Variants in PAK3 observed in about 807,000 individuals in gnomAD.
PAK3 encodes p21 (RAC1) activated kinase 3.
Under a neutral mutation model 41.0 loss-of-function variants are expected in PAK3, and 4 were observed. The observed-to-expected ratio is 0.10, with a 90% confidence interval of 0.05 to 0.22. The LOEUF (loss-of-function observed/expected upper bound fraction) is 0.22. PAK3 is among the 10% of genes least tolerant of loss of function. PAK3 has a pLI of 1.00. For missense variants in PAK3, 205 were observed against 409.9 expected, an observed-to-expected ratio of 0.50 and a Z score of 4.32; for synonymous variants, 146 against 139.6, an observed-to-expected ratio of 1.05 and a Z score of -0.32.
chrX:111,018,083 C>T (rs895091876), intron 1 of PAK3, among the ~76,000 whole-genome samples: 1 of 110,859 alleles, frequency 9.0e-6, no homozygotes, highest in Non-Finnish European at 1.9e-5. Flanking sequence ...TAGAAGAAAA[C>T]TACCTCAACA....
intron 1 of PAK3, among the ~76,000 whole-genome samples, chrX:110,995,468 C>T (rs1044038215): frequency 2.7e-5 from 3 of 110,655 alleles, no homozygotes; most frequent in Non-Finnish European, 5.7e-5. Flanking sequence ...ACTCTCAGGC[C>T]TTTGCTATCT....
At chrX:111,092,073 A>G (rs2148858507), upstream of PAK3, among the ~76,000 whole-genome samples, 1 of 111,634 alleles carries the variant, frequency 9.0e-6, no homozygotes, top group Admixed American at 9.5e-5. Flanking sequence ...CTGCCCAGGT[A>G]TGGCTCAGCT....
chrX:111,102,965 A>T (rs1017522953), intron 3 of PAK3, among the ~76,000 whole-genome samples, 194 bp from the exon 4 acceptor site: 1 of 111,196 alleles, frequency 9.0e-6, no homozygotes, highest in African/African-American at 3.3e-5. Context: ...CTTTCTTAAG[A>T]GATATTCTGA....
intron 1 of PAK3, among the ~76,000 whole-genome samples, chrX:110,954,138 A>G (rs969740258): frequency 9.0e-6 from 1 of 111,707 alleles, no homozygotes; most frequent in African/African-American, 3.3e-5. Context: ...AAAAGAAAGG[A>G]GTCAGCACTA....
chrX:111,163,411 C>T, intron 9 of PAK3, 151 bp from the exon 10 acceptor site: 1 of 505,256 alleles, frequency 2.0e-6, no homozygotes, highest in Non-Finnish European at 3.5e-6. Flanking sequence ...CATGATCTTT[C>T]AACAGTGTTG....
chrX:111,051,697 C>CTGTGTG (rs55981824), intron 1 of PAK3, among the ~76,000 whole-genome samples: 2,535 of 104,330 alleles, frequency 0.024, 73 homozygotes, highest in African/African-American at 0.082. Flanking sequence ...GTGTGTGTGT[C>CTGTGTG]TGTGTGTGTG....
chrX:111,173,112 A>G, intron 11 of PAK3, 31 bp downstream of exon 11: 1 of 705,366 alleles, frequency 1.4e-6, no homozygotes, highest in Non-Finnish European at 2.3e-6. Context: ...ATATAAAAAG[A>G]TGAGTACAAG....
At chrX:111,028,815 A>C (rs1197753552) in intron 1 of PAK3, among the ~76,000 whole-genome samples, 1 of 111,910 alleles carries the variant, frequency 8.9e-6, no homozygotes, top group Non-Finnish European at 1.9e-5. Flanking sequence ...TGTTGAGACC[A>C]GGAAGTTCAC....
intron 1 of PAK3, among the ~76,000 whole-genome samples, chrX:111,036,611 A>T (rs2148761787): frequency 8.9e-6 from 1 of 112,253 alleles, no homozygotes; most frequent in Admixed American, 9.4e-5. Context: ...TGCTCTTGAC[A>T]TGTGGAGATT....
At chrX:111,140,032 G>A (rs1247361959) in intron 5 of PAK3, among the ~76,000 whole-genome samples, 1 of 111,585 alleles carries the variant, frequency 9.0e-6, no homozygotes. Context: ...TTACTCACTT[G>A]CCTGGAACCC....
At position 111,047,213 on chromosome X, in the gene PAK3, G is replaced by A. The variant is rs755509883; in HGVS notation, c.-27-75864G>A. On this transcript the variant is annotated intron_variant, in intron 1 of 14. Coordinates refer to the PAK3 transcript ENST00000425146. The stretch of plus-strand genomic sequence containing the variant: ...ATTGAGAGACAAAGAGGACTAATGC[G>A]TGAGGATGTGTGAGATAAAAAGAAG... Among the ~76,000 whole-genome samples the A allele has an allele frequency of 1.1e-4, 12 of 111,920 alleles. No individual in the cohort carries two copies. The East Asian group carries it at 1.4e-3, about 13-fold the overall frequency.
chrX:111,014,167 A>G (rs767532561), intron 1 of PAK3, among the ~76,000 whole-genome samples: 2 of 112,091 alleles, frequency 1.8e-5, no homozygotes, highest in South Asian at 3.7e-4. Context: ...AGTCTACACT[A>G]TATGCTACTG....
chrX:111,070,664 C>A (rs1318852088), intron 1 of PAK3, among the ~76,000 whole-genome samples: 1 of 111,996 alleles, frequency 8.9e-6, no homozygotes, highest in Non-Finnish European at 1.9e-5. Flanking sequence ...GACTTTGAGG[C>A]TACCTGATGT....
intron 1 of PAK3, among the ~76,000 whole-genome samples, chrX:111,006,351 C>G (rs1235214898): frequency 1.8e-5 from 2 of 111,549 alleles, no homozygotes; most frequent in East Asian, 5.6e-4. Flanking sequence ...GAAATATGCA[C>G]TAAAGTATCT....
At chrX:111,092,112 T>C (rs2092933788), upstream of PAK3, among the ~76,000 whole-genome samples, 1 of 112,047 alleles carries the variant, frequency 8.9e-6, no homozygotes. Flanking sequence ...CCTTGATTGC[T>C]ACACCTGAAT....
intron 1 of PAK3, among the ~76,000 whole-genome samples, chrX:111,032,611 A>G (rs2092352882): frequency 8.9e-6 from 1 of 111,847 alleles, no homozygotes; most frequent in South Asian, 3.8e-4. Flanking sequence ...CCCAATGCTG[A>G]GCACAGACGA....
intron 11 of PAK3, among the ~76,000 whole-genome samples, chrX:111,179,087 A>C (rs1049515628): frequency 9.4e-6 from 1 of 106,714 alleles, no homozygotes; most frequent in South Asian, 4.1e-4. Flanking sequence ...CATATTTAAA[A>C]CCACTTATAT....
At chrX:111,212,207 C>T (rs892644892) in intron 16 of PAK3, among the ~76,000 whole-genome samples, 1 of 111,757 alleles carries the variant, frequency 8.9e-6, no homozygotes, top group East Asian at 2.8e-4. Context: ...CTAATAGCCA[C>T]CTTATTTTCT....
intron 4 of PAK3, among the ~76,000 whole-genome samples, chrX:111,104,720 C>A (rs1201012108): frequency 9.0e-6 from 1 of 111,466 alleles, no homozygotes; most frequent in African/African-American, 3.3e-5. Flanking sequence ...TGGCATGATA[C>A]CATTTTCTCC....
Sources: allele counts gnomAD v4.1 joint callset (sites outside exome capture counted in the v4.1 genomes callset), GRCh38; gene constraint gnomAD v4.1.1; transcripts MANE v1.5; gene names NCBI Gene and HGNC (gene_info 2026-07-23, HGNC 2026-07-21).